IQGAP1: variants seen among roughly 807,000 people sequenced by gnomAD.
IQGAP1 encodes IQ motif containing GTPase activating protein 1, also known as ras GTPase-activating-like protein IQGAP1.
A neutral mutation model predicts 215.6 loss-of-function variants in IQGAP1; 66 were observed. The ratio of observed to expected loss-of-function variants is 0.31; its 90% CI spans 0.25 to 0.38. The LOEUF (loss-of-function observed/expected upper bound fraction) is 0.38, where lower values mean the gene tolerates loss of function less well. Among genes scored for constraint, IQGAP1 ranks in the 10% least tolerant of loss-of-function variants. The pLI, the probability that IQGAP1 is intolerant of heterozygous loss-of-function variation, is 1.00. For synonymous variants in IQGAP1, 772 were observed against 728.7 expected, an observed-to-expected ratio of 1.06 and a Z score of -0.96; for missense variants, 1,712 against 1,997.1, an observed-to-expected ratio of 0.86 and a Z score of 2.72.
intron 5 of IQGAP1, 148 bp downstream of exon 5, chr15:90,433,943 A>G: frequency 2.2e-6 from 1 of 461,194 alleles, no homozygotes. Context: ...TCCGAACAAA[A>G]TGGTGAGAAA....
intron 1 of IQGAP1, among the ~76,000 whole-genome samples, chr15:90,388,820 G>A (rs1285365744): frequency 6.6e-6 from 1 of 152,224 alleles, no homozygotes; most frequent in Non-Finnish European, 1.5e-5. Flanking sequence ...GTAGACCCAA[G>A]GGATAGACCA....
intron 2 of IQGAP1, among the ~76,000 whole-genome samples, chr15:90,406,211 G>A (rs1004623868): frequency 3.3e-5 from 5 of 152,218 alleles, no homozygotes; most frequent in East Asian, 1.9e-4. Context: ...AACACTTAGC[G>A]AGAAAAGTGA....
chr15:90,450,274 C>T lies in IQGAP1; in HGVS notation c.1162+631C>T, dbSNP rs946196356. ...TCTGTGTCTGGCTTATTTCACTTAACATAATGACCTTCAGTTTTTATGGCT... is the reference window on the plus strand; with the variant it reads ...TCTGTGTCTGGCTTATTTCACTTAATATAATGACCTTCAGTTTTTATGGCT... On this transcript the variant is annotated intron_variant, in intron 11 of 37. Coordinates refer to ENST00000268182, the MANE Select transcript of IQGAP1 (RefSeq NM_003870.4). Among the ~76,000 whole-genome samples, 10 of 141,754 alleles carry T rather than the reference C, an allele frequency of 7.1e-5. No individual in the cohort carries two copies. In the Admixed American group the frequency reaches 7.1e-4, roughly 10 times the overall value. The allele number at this position is 141,754 out of a possible 152,430, so 93.0% of individuals were successfully genotyped here.
intron 18 of IQGAP1, among the ~76,000 whole-genome samples, chr15:90,471,125 C>G (rs1283545516): frequency 2.0e-5 from 3 of 152,130 alleles, no homozygotes; most frequent in African/African-American, 4.8e-5. Context: ...GCAGACACCT[C>G]AAACACAGTT....
intron 8 of IQGAP1, among the ~76,000 whole-genome samples, chr15:90,442,189 T>G (rs1965460652): frequency 6.6e-6 from 1 of 152,178 alleles, no homozygotes; most frequent in South Asian, 2.1e-4. Context: ...TATGTGGAAG[T>G]TAGTTAAATG....
At chr15:90,465,858 TC>T (rs1192705450) in intron 15 of IQGAP1, 142 bp from the exon 16 acceptor site, 1 of 667,212 alleles carries the variant, frequency 1.5e-6, no homozygotes, top group Non-Finnish European at 2.6e-6. Context: ...GCCTCCTTCT[TC>T]CATTTGACTA....
intron 11 of IQGAP1, among the ~76,000 whole-genome samples, chr15:90,452,526 A>T (rs1166464818): frequency 6.6e-6 from 1 of 152,158 alleles, no homozygotes; most frequent in East Asian, 1.9e-4. Flanking sequence ...ACGGGAAGAA[A>T]ATAGGGATGA....
intron 3 of IQGAP1, among the ~76,000 whole-genome samples, chr15:90,428,811 A>G (rs182097885): frequency 2.1e-4 from 32 of 152,192 alleles, no homozygotes; most frequent in Non-Finnish European, 3.7e-4. Context: ...AAAAGCAGAC[A>G]TTGAAGTTTA....
At chr15:90,413,112 C>T in intron 2 of IQGAP1, among the ~76,000 whole-genome samples, 1 of 151,958 alleles carries the variant, frequency 6.6e-6, no homozygotes, top group East Asian at 1.9e-4. Context: ...CAAGTATGTA[C>T]TCCCTTTGAA....
At chr15:90,401,015 A>G (rs1964796611) in intron 2 of IQGAP1, among the ~76,000 whole-genome samples, 1 of 152,222 alleles carries the variant, frequency 6.6e-6, no homozygotes, top group South Asian at 2.1e-4. Flanking sequence ...TGGTAGGCAA[A>G]GTGAGAACAT....
chr15:90,395,604 G>A (rs889680697), intron 2 of IQGAP1, among the ~76,000 whole-genome samples: 1 of 152,242 alleles, frequency 6.6e-6, no homozygotes, highest in African/African-American at 2.4e-5. Context: ...ACAGGCGTGA[G>A]CCACTGCGCC....
Position 90,472,844 on chromosome 15 carries a change from C to A in IQGAP1, c.2183C>A (p.Ser728Tyr). 6.2e-7 allele frequency: 1 copy of A among 1,602,392 alleles called. No individual in the cohort carries two copies. The change falls in exon 19 of 38, where the codon TCT becomes TAT. Residue 728 changes from serine (S) to tyrosine (Y), a missense_variant. Physicochemically the swap from Ser to Tyr is moderately radical, Grantham distance 144. Around this residue, in one of 2 missense-constraint regions of IQGAP1, gnomAD observed 1,021 missense variants for 1,074.2 expected, o/e 0.95. Transcript: ENST00000268182. ...MQLSREEIQS[S>Y]ISGVTAAYNR... Reference sequence around the variant, plus strand: ...ATGTGACCACTGCTTTTTCAGAGTTCTATCTCTGGGGTGACTGCCGCATAT... The same window carrying A: ...ATGTGACCACTGCTTTTTCAGAGTTATATCTCTGGGGTGACTGCCGCATAT...
chr15:90,420,087 C>T (rs1343297273), intron 2 of IQGAP1, among the ~76,000 whole-genome samples: 4 of 152,094 alleles, frequency 2.6e-5, no homozygotes, highest in Non-Finnish European at 4.4e-5. Context: ...CTTGAAGGAG[C>T]TGGAATCATT....
intron 19 of IQGAP1, chr15:90,473,492 T>C: frequency 1.9e-6 from 1 of 527,434 alleles, no homozygotes; most frequent in African/African-American, 1.9e-5. Context: ...CTGTAAAAGG[T>C]GTGCAGGGCT....
At chr15:90,425,549 G>C (rs1965210015) in intron 2 of IQGAP1, among the ~76,000 whole-genome samples, 2 of 151,788 alleles carry the variant, frequency 1.3e-5, no homozygotes, top group South Asian at 4.2e-4. Context: ...CCTCCTCCCT[G>C]CCTCCAAAAA....
Position 90,492,551 on chromosome 15 carries a change from C to T in IQGAP1, c.4468C>T (p.Arg1490Trp), listed in dbSNP as rs1384053488. The change falls in exon 35 of 38, where the codon CGG becomes TGG. Residue 1490 changes from arginine (R) to tryptophan (W), a missense_variant. This residue lies in a region of IQGAP1 where 691 missense variants were observed against 923.0 expected (regional missense o/e 0.75). Coordinates refer to ENST00000268182, the MANE Select transcript of IQGAP1 (RefSeq NM_003870.4). The stretch of plus-strand genomic sequence containing the variant: ...TTTAATAATTATGTCTCAGGATATT[C>T]GGAATCAGCGGAGGTACCGACAGAG... The part of the protein sequence containing the change: ...ELINDIARDI[R>W]NQRRYRQRRK... 24 of 1,589,854 alleles carry T rather than the reference C, an allele frequency of 1.5e-5. No individual in the cohort carries two copies. The highest frequency in any genetic ancestry group is 4.5e-5 in the East Asian group (2 of 44,360).
intron 2 of IQGAP1, among the ~76,000 whole-genome samples, chr15:90,419,450 A>G (rs1965102250): frequency 6.6e-6 from 1 of 152,196 alleles, no homozygotes; most frequent in Admixed American, 6.5e-5. Context: ...TCACCTTTTT[A>G]AAAATTTTGC....
chr15:90,389,245 G>C (rs187846722), intron 1 of IQGAP1, among the ~76,000 whole-genome samples: 2 of 152,088 alleles, frequency 1.3e-5, no homozygotes, highest in African/African-American at 4.8e-5. Flanking sequence ...ATTATAAGGT[G>C]CAATAATGAT....
rs1455251547 is a variant in IQGAP1 at position 90,502,095 on chromosome 15, TCTC to T, written c.*1993_*1995del. On this transcript the variant is annotated 3_prime_UTR_variant, in exon 38 of 38. Coordinates refer to ENST00000268182, the MANE Select transcript of IQGAP1 (RefSeq NM_003870.4). ...GCTGTAGCATTCTCTGTCTCCTCTC[TCTC>T]CTCCTTTGACCTTCTCCTCGACCAG... 2.0e-5 allele frequency: 3 copies of T among 152,672 alleles called. No homozygotes were observed. Among genetic ancestry groups the T allele is most frequent in the African/African-American group, 7.2e-5 (3 of 41,470 alleles). 9.5% of individuals were successfully genotyped at this position (152,672 alleles called of 1,614,324 possible). A position where few individuals can be genotyped will look rare whatever the true frequency, so the allele number is the denominator to read the frequency against.
Sources: allele counts gnomAD v4.1 joint callset (sites outside exome capture counted in the v4.1 genomes callset), GRCh38; gene constraint gnomAD v4.1.1; regional missense constraint gnomAD v4.1.1; transcripts MANE v1.5; gene names NCBI Gene and HGNC (gene_info 2026-07-23, HGNC 2026-07-21).